The following PALLD variants were observed in gnomAD, a reference collection of about 807,000 sequenced individuals.
PALLD encodes palladin, cytoskeletal associated protein.
A neutral mutation model predicts 123.5 loss-of-function variants in PALLD; 61 were observed. That is an observed-to-expected ratio of 0.49 (90% CI 0.40 to 0.61). The LOEUF is 0.61. Among genes scored for constraint, PALLD ranks in the 20% least tolerant of loss-of-function variants. The probability of loss-of-function intolerance (pLI) is 0.00; values close to 1 mark genes in which losing one functional copy is unlikely to be tolerated. For missense variants in PALLD, 1,273 were observed against 1,377.0 expected, an observed-to-expected ratio of 0.92 and a Z score of 1.20; for synonymous variants, 465 against 496.4, an observed-to-expected ratio of 0.94 and a Z score of 0.84.
chr4:168,620,161 A>G (rs116745472), intron 2 of PALLD, among the ~76,000 whole-genome samples: 1,894 of 152,316 alleles, frequency 0.012, 49 homozygotes, highest in African/African-American at 0.043. Flanking sequence ...TGGTATTTCA[A>G]TAAAAAATTA....
intron 2 of PALLD, among the ~76,000 whole-genome samples, chr4:168,521,349 G>A (rs535603343): frequency 1.9e-4 from 29 of 152,236 alleles, no homozygotes; most frequent in African/African-American, 5.8e-4. Context: ...TTAGGTCACT[G>A]TGGCAAGTTA....
intron 10 of PALLD, among the ~76,000 whole-genome samples, chr4:168,798,246 TAAGG>T (rs1280014859): frequency 6.6e-6 from 1 of 152,128 alleles, no homozygotes; most frequent in Non-Finnish European, 1.5e-5. Flanking sequence ...ATATCAAAGG[TAAGG>T]ATACTGTTTG....
At chr4:168,901,871 C>CT (rs1756597901) in intron 14 of PALLD, among the ~76,000 whole-genome samples, 2 of 152,068 alleles carry the variant, frequency 1.3e-5, no homozygotes, top group African/African-American at 4.8e-5. Context: ...AAAAGAAAGT[C>CT]AACTACTAAA....
chr4:168,639,544 CTT>C (rs35142519), intron 2 of PALLD, among the ~76,000 whole-genome samples: 13 of 141,098 alleles, frequency 9.2e-5, no homozygotes, highest in Non-Finnish European at 9.3e-5. Context: ...GGCCATTCAA[CTT>C]TTTTTTTTTT....
intron 2 of PALLD, among the ~76,000 whole-genome samples, chr4:168,644,303 G>A (rs113708572): frequency 0.12 from 18,079 of 151,834 alleles, 1,183 homozygotes; most frequent in Non-Finnish European, 0.15. Flanking sequence ...GGCCAGGCTG[G>A]TCTTGAACTC....
At chr4:168,532,958 A>G (rs1320726623) in intron 2 of PALLD, among the ~76,000 whole-genome samples, 1 of 152,222 alleles carries the variant, frequency 6.6e-6, no homozygotes. Context: ...TGCAATCTCA[A>G]GATGAAGAGA....
At chr4:168,553,641 TA>T (rs1020698630) in intron 2 of PALLD, among the ~76,000 whole-genome samples, 3 of 152,194 alleles carry the variant, frequency 2.0e-5, no homozygotes, top group African/African-American at 7.2e-5. Flanking sequence ...TCTTAATCTG[TA>T]CTTCAAAAAT....
intron 2 of PALLD, among the ~76,000 whole-genome samples, chr4:168,543,035 G>A (rs941153444): frequency 6.6e-6 from 1 of 151,856 alleles, no homozygotes; most frequent in Non-Finnish European, 1.5e-5. Context: ...CTACTGAGAT[G>A]GACCTTAAAT....
intron 11 of PALLD, among the ~76,000 whole-genome samples, chr4:168,891,652 A>G (rs926148851): frequency 6.6e-6 from 1 of 150,506 alleles, no homozygotes; most frequent in African/African-American, 2.4e-5. Flanking sequence ...TCTGGTTGGG[A>G]GAGGAACAAA....
intron 2 of PALLD, among the ~76,000 whole-genome samples, chr4:168,548,320 AAG>A (rs1274860891): frequency 1.3e-5 from 2 of 149,244 alleles, no homozygotes; most frequent in African/African-American, 5.0e-5. Flanking sequence ...AAAAAAGGAA[AAG>A]AGATCATTTC....
chr4:168,832,353 C>A (rs1744375481), intron 10 of PALLD, among the ~76,000 whole-genome samples: 1 of 152,064 alleles, frequency 6.6e-6, no homozygotes, highest in South Asian at 2.1e-4. Context: ...CCTCTCCCTC[C>A]CCCGGCCCGC....
At chr4:168,563,217 G>T (rs1324780205) in intron 2 of PALLD, among the ~76,000 whole-genome samples, 5 of 152,144 alleles carry the variant, frequency 3.3e-5, no homozygotes, top group African/African-American at 1.2e-4. Flanking sequence ...TGTTAAGTTG[G>T]AGATACCTAT....
intron 10 of PALLD, among the ~76,000 whole-genome samples, chr4:168,729,158 A>G (rs1178507647): frequency 6.6e-6 from 1 of 152,170 alleles, no homozygotes; most frequent in East Asian, 1.9e-4. Flanking sequence ...AGTCAGAACA[A>G]AGGAGGAAGA....
At chr4:168,553,335 A>G (rs1358309821) in intron 2 of PALLD, among the ~76,000 whole-genome samples, 1 of 152,246 alleles carries the variant, frequency 6.6e-6, no homozygotes, top group African/African-American at 2.4e-5. Flanking sequence ...TGCAAAAGGT[A>G]GAGATGGGTG....
At chr4:168,504,593 C>A (rs867906289) in intron 1 of PALLD, among the ~76,000 whole-genome samples, 123 of 136,460 alleles carry the variant, frequency 9.0e-4, no homozygotes, top group African/African-American at 1.1e-3. Context: ...GACTCCAACT[C>A]AAAAAAAAAA....
chr4:168,918,412 T>C (rs943800000), intron 17 of PALLD, among the ~76,000 whole-genome samples: 1 of 151,890 alleles, frequency 6.6e-6, no homozygotes, highest in Admixed American at 6.6e-5. Context: ...GAGGACATAA[T>C]GTTAAGTGAA....
chr4:168,835,662 G>GGGGCCAGGCGCGGTGGCTCACGCCT (rs1554092174), intron 10 of PALLD, among the ~76,000 whole-genome samples: 1 of 151,636 alleles, frequency 6.6e-6, no homozygotes, highest in Non-Finnish European at 1.5e-5. Context: ...AATTAGAGAT[G>GGGGCCAGGCGCGGTGGCTCACGCCT]GTAGATGAGA....
At chr4:168,711,390 G>A (rs556238591) in intron 9 of PALLD, among the ~76,000 whole-genome samples, 191 bp from the exon 10 acceptor site, 3 of 152,316 alleles carry the variant, frequency 2.0e-5, no homozygotes, top group South Asian at 4.1e-4. Flanking sequence ...GGTAGCACTC[G>A]TTCAAAACAA....
intron 8 of PALLD, among the ~76,000 whole-genome samples, chr4:168,706,196 G>A (rs1023895562): frequency 3.9e-5 from 6 of 152,028 alleles, no homozygotes; most frequent in African/African-American, 1.4e-4. Context: ...GCCAGCATTC[G>A]ACCTTCTGCT....
Sources: gnomAD v4.1 joint callset for allele counts (sites outside exome capture counted in the v4.1 genomes callset) on GRCh38, gnomAD v4.1.1 for gene constraint, MANE v1.5 for transcripts, NCBI Gene and HGNC (gene_info 2026-07-23, HGNC 2026-07-21) for gene names.